C6orf89: variants seen among roughly 807,000 people sequenced by gnomAD.
The protein encoded by C6orf89 is bombesin receptor-activated protein C6orf89.
Under a neutral mutation model 40.7 loss-of-function variants are expected in C6orf89, and 29 were observed. The ratio of observed to expected loss-of-function variants is 0.71; its 90% CI spans 0.53 to 0.97. C6orf89 has a LOEUF of 0.97. Ranked by LOEUF, C6orf89 falls within the 50% of genes least tolerant of loss-of-function variation. The pLI, the probability that C6orf89 is intolerant of heterozygous loss-of-function variation, is 0.00. For missense variants in C6orf89, 392 were observed against 429.1 expected (o/e 0.91, Z 0.76); for synonymous variants, 165 against 152.2 (o/e 1.08, Z -0.62).
intron 2 of C6orf89, among the ~76,000 whole-genome samples, chr6:36,895,195 A>C (rs896181180): frequency 2.0e-5 from 3 of 152,232 alleles, no homozygotes; most frequent in Non-Finnish European, 4.4e-5. Context: ...TTGTGATTAC[A>C]AAATTGATAC....
chr6:36,888,163 T>C (rs1275782241), intron 1 of C6orf89, among the ~76,000 whole-genome samples: 1 of 152,210 alleles, frequency 6.6e-6, no homozygotes, highest in Non-Finnish European at 1.5e-5. Flanking sequence ...ACATGAAAAC[T>C]GAGGCTTAGA....
chr6:36,915,064 G>A (rs1373672781), intron 6 of C6orf89, among the ~76,000 whole-genome samples: 1 of 152,128 alleles, frequency 6.6e-6, no homozygotes, highest in African/African-American at 2.4e-5. Flanking sequence ...CTGCAAAACA[G>A]TAATAGCTAT....
At chr6:36,881,219 G>C, upstream of C6orf89, among the ~76,000 whole-genome samples, 1 of 151,940 alleles carries the variant, frequency 6.6e-6, no homozygotes, top group Non-Finnish European at 1.5e-5. Flanking sequence ...TGAAAAAATA[G>C]GTTTACATGC....
chr6:36,921,468 G>A (rs1375999706), intron 8 of C6orf89, among the ~76,000 whole-genome samples: 1 of 151,350 alleles, frequency 6.6e-6, no homozygotes, highest in African/African-American at 2.4e-5. Context: ...GAGGGGAGAG[G>A]GGTTCCAGAT....
chr6:36,919,480 CAG>C, intron 7 of C6orf89, 96 bp from the exon 8 acceptor site: 1 of 1,420,822 alleles, frequency 7.0e-7, no homozygotes, highest in Non-Finnish European at 9.6e-7. Flanking sequence ...CTAGGAAACT[CAG>C]AGCCATATGT....
At chr6:36,897,086 G>A (rs1478265808) in intron 2 of C6orf89, among the ~76,000 whole-genome samples, 2 of 139,130 alleles carry the variant, frequency 1.4e-5, no homozygotes, top group Non-Finnish European at 1.5e-5. Flanking sequence ...CCAAGATCGC[G>A]CCACTGCACT....
chr6:36,889,749 A>G (rs1761116894), intron 1 of C6orf89, among the ~76,000 whole-genome samples: 1 of 152,254 alleles, frequency 6.6e-6, no homozygotes, highest in Admixed American at 6.5e-5. Context: ...ACTTGACTAT[A>G]GACTGAATAT....
chr6:36,915,741 A>C (rs185222764), intron 6 of C6orf89, among the ~76,000 whole-genome samples: 1 of 151,634 alleles, frequency 6.6e-6, no homozygotes, highest in African/African-American at 2.4e-5. Flanking sequence ...GGAAAGAAAG[A>C]AAGAAAAATG....
At chr6:36,907,723 C>G (rs1240855024) in intron 4 of C6orf89, among the ~76,000 whole-genome samples, 1 of 152,042 alleles carries the variant, frequency 6.6e-6, no homozygotes, top group Non-Finnish European at 1.5e-5. Context: ...GTAAAGAAGC[C>G]TTAGAAATTA....
Position 36,899,639 on chromosome 6 carries a change from A to G in C6orf89, c.189+6A>G. 3 of 1,613,442 alleles carry G rather than the reference A, an allele frequency of 1.9e-6. No individual in the cohort carries two copies. The highest frequency in any genetic ancestry group is 2.5e-6 in the Non-Finnish European group (3 of 1,179,400). Reference sequence around the variant, plus strand: ...TCCTTATAGTTGTGTATAAGGTAAAATGTTTCCTGAGTTGGTAATTGCTTC... The same window carrying G: ...TCCTTATAGTTGTGTATAAGGTAAAGTGTTTCCTGAGTTGGTAATTGCTTC... On this transcript the variant is annotated splice_donor_region_variant and intron_variant, in intron 3 of 8. Coordinates refer to ENST00000480824, the MANE Select transcript of C6orf89 (RefSeq NM_001286635.2).
At position 36,926,475 on chromosome 6, in the gene C6orf89, G is replaced by T. The variant is rs976811776; in HGVS notation, c.*3034G>T. On this transcript the variant is annotated 3_prime_UTR_variant, in exon 9 of 9. Transcript: ENST00000480824. ...TTGAACCGGGGAGGCGGAGATTGCA[G>T]TGAGCCAAGATTGTGCCACTTCATT... 1.2e-4 allele frequency: 18 copies of T among 151,752 alleles called. No individual in the cohort carries two copies. The highest frequency in any genetic ancestry group is 3.2e-4 in the African/African-American group (13 of 41,226). 9.4% of individuals were successfully genotyped at this position (151,752 alleles called of 1,614,324 possible).
intron 7 of C6orf89, among the ~76,000 whole-genome samples, chr6:36,918,601 A>G (rs1343248374): frequency 6.6e-6 from 1 of 152,156 alleles, no homozygotes; most frequent in African/African-American, 2.4e-5. Context: ...GAAAACCAAG[A>G]CATGGCCCAG....
chr6:36,913,122 A>G (rs933549261), intron 4 of C6orf89, among the ~76,000 whole-genome samples: 1 of 152,254 alleles, frequency 6.6e-6, no homozygotes, highest in Admixed American at 6.5e-5. Context: ...AAAGTAAACA[A>G]GAAATAATGA....
intron 4 of C6orf89, among the ~76,000 whole-genome samples, chr6:36,912,082 CA>C (rs113890530): frequency 6.6e-5 from 10 of 152,326 alleles, no homozygotes; most frequent in African/African-American, 2.4e-4. Context: ...AAGCCTCCAA[CA>C]GTTCCTCTTT....
Position 36,890,786 on chromosome 6 carries a change from G to A in C6orf89, c.-119-3718G>A, listed in dbSNP as rs978921130. 3.9e-5 allele frequency among the ~76,000 whole-genome samples: 6 copies of A among 152,060 alleles called. No individual in the cohort carries two copies. In the East Asian group the frequency reaches 5.8e-4, roughly 15 times the overall value. On this transcript the variant is annotated intron_variant, in intron 1 of 8. Transcript: ENST00000480824. ...GCTCCTGGCCCCAAGTGATCCACCC[G>A]CCTCAACCTCCCAAAGTTTTGGGAT...
At position 36,923,354 on chromosome 6, in the gene C6orf89, C is replaced by G; in HGVS notation, c.957C>G (p.Val319=). The G allele has an allele frequency of 1.2e-5, 19 of 1,613,414 alleles. No individual in the cohort carries two copies. The highest frequency in any genetic ancestry group is 1.6e-5 in the Non-Finnish European group (19 of 1,179,408). ...MPIEPGDIGY[V]DTTHWKVYVI... is the part of the protein sequence containing the mutation. ...TTGCTATTTCCCCTCAAGGCTATGT[C>G]GACACCACCCACTGGAAGGTCTACG... The change falls in exon 9 of 9, where the codon GTC becomes GTG. Residue 319 remains valine, a synonymous_variant. Transcript: ENST00000480824.
intron 4 of C6orf89, among the ~76,000 whole-genome samples, chr6:36,913,435 T>G (rs1762196332): frequency 6.6e-6 from 1 of 152,212 alleles, no homozygotes; most frequent in Non-Finnish European, 1.5e-5. Context: ...CTCTTCTGTG[T>G]CCTTTTCTCA....
chr6:36,923,285 T>G, intron 8 of C6orf89, 62 bp from the exon 9 acceptor site: 1 of 1,282,942 alleles, frequency 7.8e-7, no homozygotes, highest in Non-Finnish European at 1.1e-6. Flanking sequence ...GCCTTGCTCG[T>G]GCCCACAGGT....
At position 36,923,807 on chromosome 6, in the gene C6orf89, G is replaced by C; in HGVS notation, c.*366G>C. 1 of 347,594 alleles carries C rather than the reference G, an allele frequency of 2.9e-6. No homozygotes were observed. The allele number at this position is 347,594 out of a possible 1,614,324, so 21.5% of individuals were successfully genotyped here. ...GCCAGCTTCCTTCCCTGGCAGTGGA[G>C]AGGGCAGCCAACAGGTTCTAATGTC... On this transcript the variant is annotated 3_prime_UTR_variant, in exon 9 of 9. Transcript: ENST00000480824.
Sources: gnomAD v4.1 joint callset for allele counts (sites outside exome capture counted in the v4.1 genomes callset) on GRCh38, gnomAD v4.1.1 for gene constraint, MANE v1.5 for transcripts, NCBI Gene and HGNC (gene_info 2026-07-23, HGNC 2026-07-21) for gene names.